Variants in GUCY1A2 observed in about 807,000 individuals in gnomAD.
GUCY1A2 encodes the protein guanylate cyclase soluble subunit alpha-2.
GUCY1A2 carries 27 observed loss-of-function variants against 63.5 expected under a neutral mutation model. The observed-to-expected ratio is 0.43, with a 90% CI of 0.31 to 0.59. The LOEUF (loss-of-function observed/expected upper bound fraction) is 0.59. Ranked by LOEUF, GUCY1A2 falls within the 20% of genes least tolerant of loss-of-function variation. The probability of loss-of-function intolerance (pLI) is 0.11; values close to 1 mark genes in which losing one functional copy is unlikely to be tolerated. For synonymous variants in GUCY1A2, 364 were observed against 343.5 expected (o/e 1.06, Z -0.66); for missense variants, 768 against 913.3 (o/e 0.84, Z 2.05).
intron 4 of GUCY1A2, among the ~76,000 whole-genome samples, chr11:106,923,962 T>C (rs1484078907): frequency 6.6e-6 from 1 of 152,148 alleles, no homozygotes; most frequent in African/African-American, 2.4e-5. Context: ...TCTATTGAGA[T>C]AAACCAAAAT....
intron 4 of GUCY1A2, among the ~76,000 whole-genome samples, chr11:106,900,272 C>T (rs1208293978): frequency 6.6e-6 from 1 of 152,154 alleles, no homozygotes; most frequent in African/African-American, 2.4e-5. Context: ...CAACCTCCAC[C>T]TCCTGGGCTC....
chr11:106,923,294 A>G (rs1292212559), intron 4 of GUCY1A2, among the ~76,000 whole-genome samples: 1 of 152,240 alleles, frequency 6.6e-6, no homozygotes, highest in Non-Finnish European at 1.5e-5. Context: ...TGGCCTTAAC[A>G]ACAAAACAGA....
At chr11:106,756,369 T>G (rs1863973988) in intron 6 of GUCY1A2, among the ~76,000 whole-genome samples, 1 of 152,212 alleles carries the variant, frequency 6.6e-6, no homozygotes, top group Non-Finnish European at 1.5e-5. Flanking sequence ...TACTGTTATG[T>G]GTGAATTTGA....
intron 4 of GUCY1A2, among the ~76,000 whole-genome samples, chr11:106,815,984 A>G (rs925082337): frequency 4.6e-5 from 7 of 152,050 alleles, no homozygotes; most frequent in African/African-American, 9.7e-5. Context: ...TCTGGCATGC[A>G]GGACTATGAA....
intron 3 of GUCY1A2, among the ~76,000 whole-genome samples, chr11:106,956,758 A>G (rs1315561643): frequency 6.6e-6 from 1 of 152,170 alleles, no homozygotes; most frequent in Admixed American, 6.5e-5. Flanking sequence ...GTCTCACCCA[A>G]TCGGGTGGCA....
chr11:106,706,717 A>G (rs527565602), intron 7 of GUCY1A2, among the ~76,000 whole-genome samples: 34 of 151,870 alleles, frequency 2.2e-4, no homozygotes, highest in African/African-American at 7.7e-4. Flanking sequence ...TAAGTTACAC[A>G]AACATGGAAA....
chr11:106,965,180 G>A (rs910005407), intron 3 of GUCY1A2, among the ~76,000 whole-genome samples: 1 of 151,736 alleles, frequency 6.6e-6, no homozygotes, highest in Admixed American at 6.6e-5. Context: ...TAAAAAGAGC[G>A]GTACTCCTTT....
intron 4 of GUCY1A2, among the ~76,000 whole-genome samples, chr11:106,933,529 C>G (rs1591333100): frequency 6.6e-6 from 1 of 152,138 alleles, no homozygotes; most frequent in African/African-American, 2.4e-5. Context: ...TTGTGAAAAA[C>G]AGTTTGGAGA....
At chr11:106,750,777 A>T (rs1863869019) in intron 6 of GUCY1A2, among the ~76,000 whole-genome samples, 1 of 151,700 alleles carries the variant, frequency 6.6e-6, no homozygotes, top group Non-Finnish European at 1.5e-5. Context: ...TAAGCTCTTA[A>T]TTAGACATGC....
intron 4 of GUCY1A2, among the ~76,000 whole-genome samples, chr11:106,915,318 T>C (rs1860356032): frequency 1.3e-5 from 2 of 152,080 alleles, no homozygotes; most frequent in South Asian, 4.1e-4. Flanking sequence ...GTGACAAGAA[T>C]GGCAGCAACC....
intron 4 of GUCY1A2, among the ~76,000 whole-genome samples, chr11:106,931,584 T>TC (rs34069350): frequency 0.89 from 135,129 of 152,202 alleles, 60,079 homozygotes; most frequent in East Asian, 1. Context: ...ATCTGGAAAA[T>TC]CAATGTCCAT....
intron 3 of GUCY1A2, among the ~76,000 whole-genome samples, chr11:106,941,737 A>G (rs1860754689): frequency 6.6e-6 from 1 of 152,252 alleles, no homozygotes; most frequent in Non-Finnish European, 1.5e-5. Flanking sequence ...GTCAAAGCAC[A>G]TCTAATATTC....
intron 1 of GUCY1A2, among the ~76,000 whole-genome samples, chr11:107,015,547 T>C (rs1317742298): frequency 2.0e-5 from 2 of 101,290 alleles, no homozygotes; most frequent in East Asian, 6.0e-4. Flanking sequence ...TAGAAATCTG[T>C]AAATTCTCTT....
chr11:106,792,616 C>A (rs1221796408), intron 5 of GUCY1A2, among the ~76,000 whole-genome samples: 2 of 152,036 alleles, frequency 1.3e-5, no homozygotes, highest in Non-Finnish European at 2.9e-5. Context: ...GAACATACCT[C>A]AAAATAATAA....
At chr11:106,951,282 G>A (rs946330786) in intron 3 of GUCY1A2, among the ~76,000 whole-genome samples, 1 of 152,150 alleles carries the variant, frequency 6.6e-6, no homozygotes, top group African/African-American at 2.4e-5. Flanking sequence ...GGGTCAAATG[G>A]TATTTCTGGT....
In GUCY1A2 at chr11:107,001,645, C is replaced by T. The variant is rs1317033235; in HGVS notation, c.304-15514G>A. Among the ~76,000 whole-genome samples the T allele has an allele frequency of 2.6e-5, 4 of 151,738 alleles. No individual in the cohort carries two copies. In the East Asian group the frequency reaches 7.7e-4, roughly 29 times the overall value. ...TATTTTTCTTAAGTGGATTTGTATT[C>T]CCTTTTTTGGTTCTTACAACATTTG... On this transcript the variant is annotated intron_variant, in intron 1 of 7. Transcript: ENST00000526355.
At chr11:106,912,954 T>C (rs1230707410) in intron 4 of GUCY1A2, among the ~76,000 whole-genome samples, 1 of 152,132 alleles carries the variant, frequency 6.6e-6, no homozygotes, top group Non-Finnish European at 1.5e-5. Context: ...TCATAAAAAT[T>C]AAATATTTTG....
In GUCY1A2 at chr11:106,676,515, G is replaced by C. The variant is rs1017531636; in HGVS notation, c.*11034C>G. 1.1e-5 allele frequency: 2 copies of C among 186,312 alleles called. No individual in the cohort carries two copies. Among genetic ancestry groups the C allele is most frequent in the African/African-American group, 4.7e-5 (2 of 42,644 alleles). 11.5% of individuals were successfully genotyped at this position (186,312 alleles called of 1,614,324 possible). A position where few individuals can be genotyped will look rare whatever the true frequency, so the allele number is the denominator to read the frequency against. On this transcript the variant is annotated 3_prime_UTR_variant, in exon 8 of 8. Transcript: ENST00000526355. ...AGAGCTAAGAAATATGGAATACATT[G>C]TATATTGCTTTTTCAATAGAGTAGA...
At chr11:106,972,288 TG>T (rs1861205834) in intron 3 of GUCY1A2, among the ~76,000 whole-genome samples, 1 of 152,040 alleles carries the variant, frequency 6.6e-6, no homozygotes, top group Non-Finnish European at 1.5e-5. Context: ...ATGGGGAAAA[TG>T]GGTGTGGGAT....
Sources: allele counts gnomAD v4.1 joint callset (sites outside exome capture counted in the v4.1 genomes callset), GRCh38; gene constraint gnomAD v4.1.1; transcripts MANE v1.5; gene names NCBI Gene and HGNC (gene_info 2026-07-23, HGNC 2026-07-21).